The following DAZAP1 variants were observed in gnomAD, a reference collection of about 807,000 sequenced individuals.
The protein encoded by DAZAP1 is DAZ associated protein 1.
A neutral mutation model predicts 60.1 loss-of-function variants in DAZAP1; 6 were observed. The observed-to-expected ratio is 0.10, with a 90% confidence interval of 0.05 to 0.20. The LOEUF (loss-of-function observed/expected upper bound fraction) is 0.20, where lower values mean the gene tolerates loss of function less well. DAZAP1 is among the 10% of genes least tolerant of loss of function. The pLI, the probability that DAZAP1 is intolerant of heterozygous loss-of-function variation, is 1.00. For missense variants in DAZAP1, 366 were observed against 560.4 expected (o/e 0.65, Z 3.50); for synonymous variants, 235 against 215.9 (o/e 1.09, Z -0.78).
At chr19:1,408,192 G>A (rs2082720096) in intron 1 of DAZAP1, among the ~76,000 whole-genome samples, 1 of 152,204 alleles carries the variant, frequency 6.6e-6, no homozygotes, top group South Asian at 2.1e-4. Context: ...ATGGGAGCCA[G>A]AGGGGTTCAG....
At chr19:1,419,238 C>G (rs947677214) in intron 4 of DAZAP1, among the ~76,000 whole-genome samples, 1 of 152,232 alleles carries the variant, frequency 6.6e-6, no homozygotes, top group Non-Finnish European at 1.5e-5. Flanking sequence ...GGTCTCACCA[C>G]CACCCACACC....
At chr19:1,429,138 C>A in intron 8 of DAZAP1, 143 bp downstream of exon 8, 1 of 1,147,058 alleles carries the variant, frequency 8.7e-7, no homozygotes, top group Non-Finnish European at 1.2e-6. Flanking sequence ...TGAGCCCCCG[C>A]GAGGTGCCGG....
intron 1 of DAZAP1, among the ~76,000 whole-genome samples, chr19:1,411,562 T>C (rs1199992394): frequency 6.6e-6 from 1 of 152,128 alleles, no homozygotes; most frequent in Non-Finnish European, 1.5e-5. Flanking sequence ...GCTCCAATGG[T>C]CTGGAGCAGG....
At chr19:1,408,031 G>C (rs893390863) in intron 1 of DAZAP1, among the ~76,000 whole-genome samples, 1 of 151,592 alleles carries the variant, frequency 6.6e-6, no homozygotes, top group Non-Finnish European at 1.5e-5. Context: ...TTCCCGTCCT[G>C]GGGGATCCTG....
At position 1,407,769 on chromosome 19, in the gene DAZAP1, C is replaced by CCGCCAT. The variant is rs1790880308; in HGVS notation, c.-4_2dup. On this transcript the variant is annotated 5_prime_UTR_variant, in exon 1 of 12. Coordinates refer to ENST00000233078, the MANE Select transcript of DAZAP1 (RefSeq NM_018959.4). ...GGAGCGCCGAGCGTCGCCGCCGCCG[C>CCGCCAT]CGCCATGAACAACTCGGGCGCCGAC... is the stretch of plus-strand genomic sequence containing the variant. The CCGCCAT allele has an allele frequency of 9.2e-7, 1 of 1,089,724 alleles. No homozygotes were observed. The allele number at this position is 1,089,724 out of a possible 1,614,324, so 67.5% of individuals were successfully genotyped here.
intron 1 of DAZAP1, among the ~76,000 whole-genome samples, chr19:1,408,437 A>T (rs1265340839): frequency 6.6e-6 from 1 of 152,176 alleles, no homozygotes; most frequent in Non-Finnish European, 1.5e-5. Context: ...GCGCGCCCAA[A>T]CTTGGCGGGC....
Position 1,433,639 on chromosome 19 carries a change from C to T in DAZAP1, c.1048+949C>T. On this transcript the variant is annotated intron_variant, in intron 11 of 11. Coordinates refer to ENST00000233078, the MANE Select transcript of DAZAP1 (RefSeq NM_018959.4). The surrounding 1 kb of genome is among the most constrained non-coding windows in gnomAD (Gnocchi z 6.1). ...CAAACCCTGGCGTGTCTGAGACTGG[C>T]AGGGGGGTGTGAGGCGCCCGGTTGG... 1.1e-6 allele frequency: 1 copy of T among 941,048 alleles called. No individual in the cohort carries two copies. The allele number at this position is 941,048 out of a possible 1,614,324, so 58.3% of individuals were successfully genotyped here.
chr19:1,417,457 C>A, intron 1 of DAZAP1, 43 bp from the exon 2 acceptor site: 1 of 1,576,794 alleles, frequency 6.3e-7, no homozygotes. Context: ...ATTTCTAAGG[C>A]GAGCGCTGTC....
rs564613264 is a variant in DAZAP1 at position 1,411,862 on chromosome 19, A to G, written c.29+4060A>G. Among the ~76,000 whole-genome samples the G allele has an allele frequency of 1.8e-4, 27 of 152,316 alleles. 2 individuals are homozygous for G. The South Asian group carries it at 2.9e-3, about 16-fold the overall frequency. On this transcript the variant is annotated intron_variant, in intron 1 of 11. Coordinates refer to ENST00000233078, the MANE Select transcript of DAZAP1 (RefSeq NM_018959.4). ...GCTATGTTCATGGTGCGACCCGTCAATCTGAGGTTGTGCTGTCTTCTGTGA... is the reference window on the plus strand; with the variant it reads ...GCTATGTTCATGGTGCGACCCGTCAGTCTGAGGTTGTGCTGTCTTCTGTGA...
At chr19:1,409,321 C>T (rs906863517) in intron 1 of DAZAP1, among the ~76,000 whole-genome samples, 9 of 152,142 alleles carry the variant, frequency 5.9e-5, no homozygotes, top group African/African-American at 1.9e-4. Flanking sequence ...ATTCAAGCCG[C>T]GGGTGAACGT....
In DAZAP1 at chr19:1,425,530, G is replaced by GGCCCTC. The variant is rs1326639101; in HGVS notation, c.464-347_464-342dup. ...CGCTTTGTCTGCCAGTAGCGATGGAGGCCCTCACCGTTCCCCTGTCTCCGC... is the reference window on the plus strand; with the variant it reads ...CGCTTTGTCTGCCAGTAGCGATGGAGGCCCTCGCCCTCACCGTTCCCCTGTCTCCGC... On this transcript the variant is annotated intron_variant, in intron 6 of 11. Transcript: ENST00000233078. The surrounding 1 kb of genome is among the most constrained non-coding windows in gnomAD (Gnocchi z 5.4). 6.6e-6 allele frequency among the ~76,000 whole-genome samples: 1 copy of GGCCCTC among 152,234 alleles called. No individual in the cohort carries two copies. The highest frequency in any genetic ancestry group is 2.4e-5 in the African/African-American group (1 of 41,460).
At chr19:1,424,576 T>C (rs1240216109) in intron 6 of DAZAP1, among the ~76,000 whole-genome samples, 1 of 151,704 alleles carries the variant, frequency 6.6e-6, no homozygotes, top group Non-Finnish European at 1.5e-5. Flanking sequence ...GGCCCCTGTC[T>C]CTTCAGCTTG....
Position 1,433,610 on chromosome 19 carries a change from C to G in DAZAP1, c.1048+920C>G, listed in dbSNP as rs2083512941. The G allele has an allele frequency of 1.3e-6, 1 of 743,038 alleles. No homozygotes were observed. The highest frequency in any genetic ancestry group is 1.6e-5 in the South Asian group (1 of 60,780). The allele number at this position is 743,038 out of a possible 1,614,324, so 46.0% of individuals were successfully genotyped here. ...CATGTGTGGGTTCTTGACCCACTCA[C>G]CACCAAACCCTGGCGTGTCTGAGAC... On this transcript the variant is annotated intron_variant, in intron 11 of 11. Transcript: ENST00000233078. This position sits in a 1 kb window ranked among gnomAD's most constrained non-coding sequence, Gnocchi z 6.1.
chr19:1,412,897 T>A (rs1451140023), intron 1 of DAZAP1, among the ~76,000 whole-genome samples: 1 of 152,172 alleles, frequency 6.6e-6, no homozygotes. Context: ...GACTCCAGGT[T>A]GCAAGGGAAG....
chr19:1,431,137 G>GTT (rs978810273), intron 10 of DAZAP1, among the ~76,000 whole-genome samples: 1 of 144,120 alleles, frequency 6.9e-6, no homozygotes, highest in Admixed American at 6.9e-5. Flanking sequence ...TTTATTTATG[G>GTT]TTTTTTTTTG....
Position 1,418,538 on chromosome 19 carries a change from C to G in DAZAP1, c.238-128C>G. ...TGAGGCTGGATATTGCAGGAGGATACAGGGTGAATGGAGCCGGCGGGGCGG... is the reference window on the plus strand; with the variant it reads ...TGAGGCTGGATATTGCAGGAGGATAGAGGGTGAATGGAGCCGGCGGGGCGG... On this transcript the variant is annotated intron_variant, in intron 3 of 11. Coordinates refer to ENST00000233078, the MANE Select transcript of DAZAP1 (RefSeq NM_018959.4). This position sits in a 1 kb window ranked among gnomAD's most constrained non-coding sequence, Gnocchi z 5.7. 6.9e-7 allele frequency: 1 copy of G among 1,441,324 alleles called. No homozygotes were observed. The highest frequency in any genetic ancestry group is 1.2e-5 in the South Asian group (1 of 85,520). 89.3% of individuals were successfully genotyped at this position (1,441,324 alleles called of 1,614,324 possible). A position where few individuals can be genotyped will look rare whatever the true frequency, so the allele number is the denominator to read the frequency against.
In DAZAP1 at chr19:1,432,633, G is replaced by T. The variant is rs759213360; in HGVS notation, c.991G>T (p.Ala331Ser). ...LAFPPPPSQA[A>S]PDMSKPPTAQ... Reference sequence around the variant, plus strand: ...TTTCCCACCGCCTCCGTCTCAGGCTGCCCCGGACATGAGCAAGCCCCCGAC... The same window carrying T: ...TTTCCCACCGCCTCCGTCTCAGGCTTCCCCGGACATGAGCAAGCCCCCGAC... Residue 331 changes from alanine to serine, a missense_variant, in exon 11 of 12, where the codon GCC becomes TCC. By Grantham distance (99) the Ala-to-Ser change is moderately conservative. Around this residue, in one of 3 missense-constraint regions of DAZAP1, gnomAD observed 240 missense variants for 308.8 expected, o/e 0.78. Transcript: ENST00000233078. The surrounding 1 kb of genome is among the most constrained non-coding windows in gnomAD (Gnocchi z 4.9). The T allele has an allele frequency of 6.2e-7, 1 of 1,613,444 alleles. No homozygotes were observed. Among genetic ancestry groups the T allele is most frequent in the Non-Finnish European group, 8.5e-7 (1 of 1,179,900 alleles).
At chr19:1,415,389 G>T (rs1436498596) in intron 1 of DAZAP1, among the ~76,000 whole-genome samples, 41 of 127,582 alleles carry the variant, frequency 3.2e-4, no homozygotes, top group Non-Finnish European at 5.8e-4. Context: ...GTGTGTGTGT[G>T]TTTTGTTTTT....
At position 1,433,413 on chromosome 19, in the gene DAZAP1, G is replaced by A; in HGVS notation, c.1048+723G>A. On this transcript the variant is annotated intron_variant, in intron 11 of 11. Coordinates refer to ENST00000233078, the MANE Select transcript of DAZAP1 (RefSeq NM_018959.4). This position sits in a 1 kb window ranked among gnomAD's most constrained non-coding sequence, Gnocchi z 6.1. ...TCACAAGCAGGGTTTGAGAACATGG[G>A]GCACCTGTCTGCAGGTGGCCACGGG... The A allele has an allele frequency of 2.7e-6, 1 of 367,142 alleles. No homozygotes were observed. The highest frequency in any genetic ancestry group is 3.0e-5 in the South Asian group (1 of 33,738). 22.7% of individuals were successfully genotyped at this position (367,142 alleles called of 1,614,324 possible).
Sources: gnomAD v4.1 joint callset for allele counts (sites outside exome capture counted in the v4.1 genomes callset) on GRCh38, gnomAD v4.1.1 for gene constraint, gnomAD v4.1.1 regional missense constraint, Gnocchi (gnomAD v3.1) non-coding constraint, MANE v1.5 for transcripts, NCBI Gene and HGNC (gene_info 2026-07-23, HGNC 2026-07-21) for gene names.